Variants in MEF2C observed in about 807,000 individuals in gnomAD.
MEF2C encodes myocyte-specific enhancer factor 2C.
A neutral mutation model predicts 50.5 loss-of-function variants in MEF2C; 6 were observed. The observed-to-expected ratio is 0.12, with a 90% CI of 0.07 to 0.23. The LOEUF (loss-of-function observed/expected upper bound fraction) is 0.23. Ranked by LOEUF, MEF2C falls within the 10% of genes least tolerant of loss-of-function variation. The pLI, the probability that MEF2C is intolerant of heterozygous loss-of-function variation, is 1.00. For missense variants in MEF2C, 276 were observed against 605.0 expected (o/e 0.46, Z 5.70); for synonymous variants, 183 against 228.0 (o/e 0.80, Z 1.78).
At chr5:88,781,418 T>G (rs1299450640) in intron 3 of MEF2C, among the ~76,000 whole-genome samples, 1 of 152,190 alleles carries the variant, frequency 6.6e-6, no homozygotes. Flanking sequence ...GTGAGTTTTA[T>G]TATCCCTTTT....
Position 88,751,340 on chromosome 5 carries a change from CAT to C in MEF2C, c.589+515_589+516del, listed in dbSNP as rs761560054. On this transcript the variant is annotated intron_variant, in intron 5 of 10. Transcript: ENST00000504921. ...CTGATTCAGCTTTGTTTTTATTTCA[CAT>C]GTCTTACAAATGATGCTATCTTATC... 1.9e-3 allele frequency: 1,839 copies of C among 985,388 alleles called. 3 individuals carry two copies. Among genetic ancestry groups the C allele is most frequent in the Non-Finnish European group, 2.1e-3 (1,772 of 829,908 alleles). The allele number at this position is 985,388 out of a possible 1,614,324, so 61.0% of individuals were successfully genotyped here.
chr5:88,734,598 T>TTTTTTTTG, intron 6 of MEF2C: 2 of 883,920 alleles, frequency 2.3e-6, no homozygotes, highest in Non-Finnish European at 2.7e-6. Flanking sequence ...TTTTTTTTTT[T>TTTTTTTTG]AGCATTTTCT....
intron 3 of MEF2C, among the ~76,000 whole-genome samples, chr5:88,799,862 TCTCTCTCTCA>T (rs1291432902): frequency 1.8e-4 from 22 of 120,594 alleles, no homozygotes; most frequent in African/African-American, 6.7e-4. Context: ...TCTCTCTCTC[TCTCTCTCTCA>T]CACACACACA....
intron 1 of MEF2C, among the ~76,000 whole-genome samples, chr5:88,869,353 A>G (rs1455626965): frequency 6.9e-6 from 1 of 145,150 alleles, no homozygotes. Context: ...TCATTCCTTA[A>G]AATATTTTCT....
chr5:88,863,269 A>G (rs921041759), intron 1 of MEF2C, among the ~76,000 whole-genome samples: 1 of 152,234 alleles, frequency 6.6e-6, no homozygotes, highest in African/African-American at 2.4e-5. Flanking sequence ...ATCAGACTGA[A>G]TTCCTCAACA....
chr5:88,769,247 C>T (rs1005441643), intron 3 of MEF2C, among the ~76,000 whole-genome samples: 1 of 152,166 alleles, frequency 6.6e-6, no homozygotes, highest in African/African-American at 2.4e-5. Flanking sequence ...TCATTTTCCC[C>T]CATTCTTGGA....
intron 1 of MEF2C, among the ~76,000 whole-genome samples, chr5:88,878,556 C>G (rs1280229705): frequency 6.6e-6 from 1 of 151,992 alleles, no homozygotes; most frequent in East Asian, 1.9e-4. Context: ...ATATTGTGTT[C>G]TAACACGACT....
intron 2 of MEF2C, among the ~76,000 whole-genome samples, chr5:88,818,355 T>C (rs971540774): frequency 1.3e-5 from 2 of 151,780 alleles, no homozygotes; most frequent in African/African-American, 4.8e-5. Flanking sequence ...ACAATAAAAG[T>C]GTCACAGAAA....
chr5:88,745,632 A>C (rs1769092789), intron 6 of MEF2C, among the ~76,000 whole-genome samples: 1 of 147,028 alleles, frequency 6.8e-6, no homozygotes, highest in South Asian at 2.3e-4. Flanking sequence ...AACCATAGCA[A>C]GACCCCATCT....
intron 1 of MEF2C, among the ~76,000 whole-genome samples, chr5:88,881,441 A>T (rs1832793744): frequency 6.6e-6 from 1 of 152,224 alleles, no homozygotes; most frequent in Non-Finnish European, 1.5e-5. Flanking sequence ...ATGGAGAAAC[A>T]AAAATACTGC....
chr5:88,752,140 C>T, intron 4 of MEF2C, 97 bp from the exon 5 acceptor site: 1 of 1,096,716 alleles, frequency 9.1e-7, no homozygotes, highest in Non-Finnish European at 1.3e-6. Context: ...AAAAATTCTA[C>T]ATTCCAAACT....
At chr5:88,760,486 G>A (rs1007763110) in intron 4 of MEF2C, among the ~76,000 whole-genome samples, 5 of 152,214 alleles carry the variant, frequency 3.3e-5, no homozygotes, top group Admixed American at 2.0e-4. Flanking sequence ...CTTCAGTGCT[G>A]TTGTTGAATT....
At chr5:88,842,402 T>C (rs918564320) in intron 1 of MEF2C, among the ~76,000 whole-genome samples, 1 of 152,158 alleles carries the variant, frequency 6.6e-6, no homozygotes, top group Non-Finnish European at 1.5e-5. Context: ...TTTCTGATAT[T>C]ACATGTCTGT....
At chr5:88,825,695 T>C (rs759882112) in intron 1 of MEF2C, 1 of 871,396 alleles carries the variant, frequency 1.1e-6, no homozygotes, top group Non-Finnish European at 1.4e-6. Context: ...TGGGGCAACT[T>C]TCCTGTGTTT....
chr5:88,829,546 ATC>A (rs1165326306), intron 1 of MEF2C, among the ~76,000 whole-genome samples: 1 of 152,062 alleles, frequency 6.6e-6, no homozygotes, highest in Non-Finnish European at 1.5e-5. Flanking sequence ...TAAGATGTGT[ATC>A]TCTCAACTGA....
intron 1 of MEF2C, chr5:88,839,216 T>C (rs1309437959): frequency 2.0e-5 from 3 of 152,200 alleles, no homozygotes; most frequent in Admixed American, 6.5e-5. Context: ...TTTGTACATA[T>C]ATAGTACATC....
At chr5:88,839,616 T>C (rs1004613061) in intron 1 of MEF2C, 1 of 152,154 alleles carries the variant, frequency 6.6e-6, no homozygotes, top group Non-Finnish European at 1.5e-5. Context: ...GGTCCAGTAA[T>C]AAGTGTTCTG....
chr5:88,749,509 CATTA>C (rs1771602649), intron 5 of MEF2C: 2 of 984,228 alleles, frequency 2.0e-6, no homozygotes, highest in African/African-American at 1.7e-5. Flanking sequence ...TGTTTTATGC[CATTA>C]ATTTTGTGCA....
At chr5:88,864,541 T>C (rs959826422) in intron 1 of MEF2C, among the ~76,000 whole-genome samples, 11 of 150,948 alleles carry the variant, frequency 7.3e-5, no homozygotes, top group African/African-American at 2.7e-4. Flanking sequence ...TAAATACACA[T>C]AAATATAAAT....
Sources: allele counts gnomAD v4.1 joint callset (sites outside exome capture counted in the v4.1 genomes callset), GRCh38; gene constraint gnomAD v4.1.1; transcripts MANE v1.5; gene names NCBI Gene and HGNC (gene_info 2026-07-23, HGNC 2026-07-21).